SPAG16: variants seen among roughly 807,000 people sequenced by gnomAD.
The protein encoded by SPAG16 is sperm associated antigen 16.
SPAG16 carries 86 observed loss-of-function variants against 80.4 expected under a neutral mutation model. The ratio of observed to expected loss-of-function variants is 1.07; its 90% CI spans 0.90 to 1.28. The LOEUF (loss-of-function observed/expected upper bound fraction) is 1.28. Ranked by LOEUF, SPAG16 falls within the 50% of genes most tolerant of loss-of-function variation. The pLI, the probability that SPAG16 is intolerant of heterozygous loss-of-function variation, is 0.00. For synonymous variants in SPAG16, 294 were observed against 265.9 expected, an observed-to-expected ratio of 1.11 and a Z score of -1.03; for missense variants, 870 against 765.3, an observed-to-expected ratio of 1.14 and a Z score of -1.61.
At chr2:213,348,582 A>G (rs2065137630) in intron 6 of SPAG16, among the ~76,000 whole-genome samples, 2 of 152,262 alleles carry the variant, frequency 1.3e-5, no homozygotes, top group South Asian at 2.1e-4. Context: ...GGTGGTGACA[A>G]AATCTCTCAG....
intron 15 of SPAG16, among the ~76,000 whole-genome samples, chr2:214,232,358 C>T (rs940390710): frequency 6.6e-5 from 10 of 152,026 alleles, no homozygotes; most frequent in Admixed American, 6.6e-4. Flanking sequence ...ATAAAGTTCA[C>T]TTTATTATTT....
intron 13 of SPAG16, among the ~76,000 whole-genome samples, chr2:214,027,991 A>G (rs2048221447): frequency 6.6e-6 from 1 of 151,936 alleles, no homozygotes; most frequent in Non-Finnish European, 1.5e-5. Context: ...ATATATTTGT[A>G]AAATGAGCCT....
chr2:214,175,066 C>A (rs1347591752), intron 15 of SPAG16, among the ~76,000 whole-genome samples: 1 of 151,350 alleles, frequency 6.6e-6, no homozygotes, highest in African/African-American at 2.4e-5. Context: ...ACTTTATCAG[C>A]TATAATTCTT....
At chr2:213,792,340 CA>C (rs1373593169) in intron 10 of SPAG16, among the ~76,000 whole-genome samples, 1 of 152,166 alleles carries the variant, frequency 6.6e-6, no homozygotes, top group Non-Finnish European at 1.5e-5. Flanking sequence ...GTGCCTCCCT[CA>C]GTGTGTTGAA....
chr2:213,614,542 A>T (rs866786887), intron 10 of SPAG16, among the ~76,000 whole-genome samples: 1 of 152,178 alleles, frequency 6.6e-6, no homozygotes, highest in African/African-American at 2.4e-5. Context: ...CAGAGAATAA[A>T]TACCCATCAC....
At chr2:213,682,427 TAAGAGTTA>T in intron 10 of SPAG16, among the ~76,000 whole-genome samples, 1 of 152,190 alleles carries the variant, frequency 6.6e-6, no homozygotes, top group East Asian at 1.9e-4. Flanking sequence ...GTTATTTGTG[TAAGAGTTA>T]AAGAAGAAAG....
intron 10 of SPAG16, among the ~76,000 whole-genome samples, chr2:213,581,828 C>T (rs1477985906): frequency 2.0e-5 from 3 of 152,158 alleles, no homozygotes; most frequent in African/African-American, 7.2e-5. Context: ...AACAGAGATG[C>T]TGTGATTTAT....
At chr2:213,412,805 A>G (rs990059797) in intron 9 of SPAG16, among the ~76,000 whole-genome samples, 1 of 152,206 alleles carries the variant, frequency 6.6e-6, no homozygotes, top group Non-Finnish European at 1.5e-5. Context: ...GAATATAATG[A>G]TAAGAGATAG....
chr2:214,303,247 A>G (rs938515769), intron 15 of SPAG16, among the ~76,000 whole-genome samples: 4 of 152,162 alleles, frequency 2.6e-5, no homozygotes, highest in Non-Finnish European at 5.9e-5. Flanking sequence ...ATGTGTTTTT[A>G]TGATGGCAAG....
At chr2:213,625,984 C>A (rs1010304692) in intron 10 of SPAG16, among the ~76,000 whole-genome samples, 1 of 152,124 alleles carries the variant, frequency 6.6e-6, no homozygotes, top group South Asian at 2.1e-4. Flanking sequence ...GCCACCACAC[C>A]CGGCCTCTAC....
intron 7 of SPAG16, among the ~76,000 whole-genome samples, chr2:213,361,580 G>T (rs1031228890): frequency 1.3e-5 from 2 of 151,408 alleles, no homozygotes; most frequent in African/African-American, 4.9e-5. Flanking sequence ...CTAGAGCTGG[G>T]CAGATAAAAT....
rs578046027 is a variant in SPAG16, at chr2:213,699,125, C to T, written c.1071-163360C>T. ...GTTTGATGTTCACAGCCCACCATTG[C>T]CACCCCCACTCCTCTTTTTATTTTT... On this transcript the variant is annotated intron_variant, in intron 10 of 15. Transcript: ENST00000331683. 2.6e-5 allele frequency among the ~76,000 whole-genome samples: 4 copies of T among 152,088 alleles called. No individual in the cohort carries two copies. In the South Asian group the frequency reaches 8.3e-4, roughly 32 times the overall value.
At chr2:214,073,878 A>G (rs2125235219) in intron 13 of SPAG16, among the ~76,000 whole-genome samples, 1 of 152,352 alleles carries the variant, frequency 6.6e-6, no homozygotes, top group East Asian at 1.9e-4. Context: ...TAGAAGGCCT[A>G]AAACTGAGAC....
At chr2:213,489,768 T>C (rs2074160863) in intron 9 of SPAG16, among the ~76,000 whole-genome samples, 195 bp from the exon 10 acceptor site, 1 of 152,218 alleles carries the variant, frequency 6.6e-6, no homozygotes, top group Admixed American at 6.5e-5. Context: ...ATTGGTTATA[T>C]AAATTGATAT....
intron 10 of SPAG16, among the ~76,000 whole-genome samples, chr2:213,551,161 A>C (rs1269111597): frequency 6.6e-6 from 1 of 152,190 alleles, no homozygotes. Context: ...TAAGCTACTG[A>C]AAGCTTTGGT....
At chr2:213,576,721 G>C (rs113622873) in intron 10 of SPAG16, among the ~76,000 whole-genome samples, 2 of 152,106 alleles carry the variant, frequency 1.3e-5, no homozygotes, top group African/African-American at 4.8e-5. Context: ...ACTAACACAT[G>C]AACAGAAAAC....
chr2:213,846,349 T>A (rs1450977474), intron 10 of SPAG16, among the ~76,000 whole-genome samples: 1 of 152,006 alleles, frequency 6.6e-6, no homozygotes, highest in Non-Finnish European at 1.5e-5. Context: ...ATATCCCTGC[T>A]GAAATTACCT....
chr2:213,978,511 A>T (rs1335952832), intron 12 of SPAG16, among the ~76,000 whole-genome samples: 2 of 152,148 alleles, frequency 1.3e-5, no homozygotes, highest in African/African-American at 4.8e-5. Context: ...TTTCAAAATG[A>T]TTCCACATAT....
chr2:213,817,766 A>G (rs763206992), intron 10 of SPAG16, among the ~76,000 whole-genome samples: 5 of 152,146 alleles, frequency 3.3e-5, no homozygotes, highest in Non-Finnish European at 5.9e-5. Flanking sequence ...GTAGCTGAAC[A>G]CTGGGTACTC....
Sources: gnomAD v4.1 joint callset for allele counts (sites outside exome capture counted in the v4.1 genomes callset) on GRCh38, gnomAD v4.1.1 for gene constraint, MANE v1.5 for transcripts, NCBI Gene and HGNC (gene_info 2026-07-23, HGNC 2026-07-21) for gene names.